Variants in CA10 observed in about 807,000 individuals in gnomAD.
CA10 encodes the protein carbonic anhydrase-related protein 10.
CA10 carries 14 observed loss-of-function variants against 44.2 expected under a neutral mutation model. That is an observed-to-expected ratio of 0.32 (90% CI 0.21 to 0.50). The LOEUF (loss-of-function observed/expected upper bound fraction) is 0.50, where lower values mean the gene tolerates loss of function less well. Among genes scored for constraint, CA10 ranks in the 20% least tolerant of loss-of-function variants. CA10 has a pLI of 0.99. For missense variants in CA10, 350 were observed against 409.7 expected (o/e 0.85, Z 1.26); for synonymous variants, 159 against 141.6 (o/e 1.12, Z -0.87).
chr17:51,765,749 A>AG (rs1567832415), intron 3 of CA10, among the ~76,000 whole-genome samples: 2 of 131,496 alleles, frequency 1.5e-5, no homozygotes, highest in African/African-American at 2.6e-5. Context: ...GCATGTGTTT[A>AG]GGGGGGGTTG....
chr17:52,159,101 G>C (rs1989887066), upstream of CA10, among the ~76,000 whole-genome samples: 1 of 152,168 alleles, frequency 6.6e-6, no homozygotes, highest in South Asian at 2.1e-4. Flanking sequence ...CTGCGGGTTC[G>C]GCGCGGGAGA....
intron 4 of CA10, among the ~76,000 whole-genome samples, chr17:51,721,159 G>A (rs1598008905): frequency 6.6e-6 from 1 of 151,748 alleles, no homozygotes; most frequent in Admixed American, 6.6e-5. Context: ...GCGAAACCCC[G>A]TCTCTACTAA....
intron 2 of CA10, among the ~76,000 whole-genome samples, chr17:51,961,188 AACACAC>A (rs71149387): frequency 0.015 from 2,132 of 145,036 alleles, 30 homozygotes; most frequent in African/African-American, 0.035. Flanking sequence ...TGTACACACA[AACACAC>A]ACACACACAC....
chr17:52,113,524 C>T lies in CA10; in HGVS notation c.62-41131G>A, dbSNP rs144475145. Among the ~76,000 whole-genome samples the T allele has an allele frequency of 1.4e-3, 209 of 152,126 alleles. 1 individual carries two copies. The highest frequency in any genetic ancestry group is 4.6e-3 in the African/African-American group (189 of 41,498). ...AATCTGCTTGAGAAAGCAAGACAAG[C>T]CCATGAAAAGTTAAATAGCAATTAA... On this transcript the variant is annotated intron_variant, in intron 1 of 8. Transcript: ENST00000451037.
chr17:51,784,768 T>C (rs1171592073), intron 3 of CA10, among the ~76,000 whole-genome samples: 8 of 152,248 alleles, frequency 5.3e-5, no homozygotes. Flanking sequence ...ACTTATCTTT[T>C]GTGTTACAAA....
chr17:51,997,857 T>C (rs532384799), intron 2 of CA10, among the ~76,000 whole-genome samples: 1 of 152,156 alleles, frequency 6.6e-6, no homozygotes, highest in South Asian at 2.1e-4. Context: ...CTGACACCAC[T>C]GAGTAAACAT....
intron 3 of CA10, among the ~76,000 whole-genome samples, chr17:51,893,594 CTGAG>C (rs1980951415): frequency 1.3e-5 from 2 of 152,284 alleles, no homozygotes; most frequent in South Asian, 2.1e-4. Flanking sequence ...TAGCCAACTA[CTGAG>C]TGAGATAAAC....
At chr17:51,729,339 T>TTG (rs914871049) in intron 4 of CA10, among the ~76,000 whole-genome samples, 5 of 152,086 alleles carry the variant, frequency 3.3e-5, no homozygotes, top group South Asian at 2.1e-4. Context: ...TTAAACTTTT[T>TTG]TGTGTGTGTG....
intron 4 of CA10, among the ~76,000 whole-genome samples, chr17:51,717,840 T>TACAC (rs1916209859): frequency 2.1e-4 from 6 of 28,366 alleles, no homozygotes; most frequent in African/African-American, 6.2e-4. Flanking sequence ...TATATATATA[T>TACAC]ATATATATAT....
Position 51,904,133 on chromosome 17 carries a change from A to G in CA10, c.279+26857T>C, listed in dbSNP as rs145938703. ...GGGCTTTCTAGGATGCAAGAATTTC[A>G]GTGTTAAAACTGAGAAAGCCCCAGG... On this transcript the variant is annotated intron_variant, in intron 3 of 8. Coordinates refer to ENST00000451037, the MANE Select transcript of CA10 (RefSeq NM_020178.5). 2.0e-3 allele frequency among the ~76,000 whole-genome samples: 309 copies of G among 151,854 alleles called. 2 individuals carry two copies. The highest frequency in any genetic ancestry group is 0.014 in the Middle Eastern group (4 of 294).
At chr17:52,153,430 C>A (rs1481285564) in intron 1 of CA10, among the ~76,000 whole-genome samples, 1 of 152,084 alleles carries the variant, frequency 6.6e-6, no homozygotes, top group Non-Finnish European at 1.5e-5. Context: ...TTGTAATATA[C>A]AACTGAAAGA....
intron 6 of CA10, among the ~76,000 whole-genome samples, chr17:51,646,861 T>G (rs1445509472): frequency 2.6e-5 from 4 of 152,260 alleles, no homozygotes; most frequent in African/African-American, 7.2e-5. Context: ...CCTGCAGTGC[T>G]GCTCCCTTCA....
At chr17:52,121,684 A>G (rs1284305705) in intron 1 of CA10, among the ~76,000 whole-genome samples, 1 of 148,694 alleles carries the variant, frequency 6.7e-6, no homozygotes, top group Non-Finnish European at 1.5e-5. Flanking sequence ...ACAGATACAC[A>G]CACACACACA....
At chr17:51,945,742 T>C (rs1983248654) in intron 2 of CA10, among the ~76,000 whole-genome samples, 1 of 152,150 alleles carries the variant, frequency 6.6e-6, no homozygotes, top group Admixed American at 6.6e-5. Flanking sequence ...TTAAGCCTCC[T>C]TCCCCTCGAC....
Position 52,025,691 on chromosome 17 carries a change from T to C in CA10, c.136+46628A>G, listed in dbSNP as rs1201715527. Among the ~76,000 whole-genome samples the C allele has an allele frequency of 2.6e-5, 4 of 152,136 alleles. No individual in the cohort carries two copies. In the East Asian group the frequency reaches 5.8e-4, roughly 22 times the overall value. On this transcript the variant is annotated intron_variant, in intron 2 of 8. Transcript: ENST00000451037. Reference sequence around the variant, plus strand: ...GCCATTTCTATTCATGAATGCCTTTTCTGTCTTCATTTAACTTAAGATATT... The same window carrying C: ...GCCATTTCTATTCATGAATGCCTTTCCTGTCTTCATTTAACTTAAGATATT...
chr17:51,802,565 G>GAAAAAAAAAA (rs754344655), intron 3 of CA10, among the ~76,000 whole-genome samples: 1 of 90,660 alleles, frequency 1.1e-5, no homozygotes. Flanking sequence ...CCTGATGTCT[G>GAAAAAAAAAA]AAAAAAAAAA....
chr17:52,093,959 G>T (rs1280046695), intron 1 of CA10, among the ~76,000 whole-genome samples: 3 of 152,254 alleles, frequency 2.0e-5, no homozygotes, highest in Non-Finnish European at 2.9e-5. Context: ...CAGCTCTAAA[G>T]ATTACATCCT....
chr17:51,779,599 CCAAA>C (rs1292835887), intron 3 of CA10, among the ~76,000 whole-genome samples: 2 of 152,158 alleles, frequency 1.3e-5, no homozygotes, highest in African/African-American at 2.4e-5. Flanking sequence ...GCCATTTCAA[CCAAA>C]CAGTGACCCC....
intron 2 of CA10, among the ~76,000 whole-genome samples, chr17:51,993,628 G>T (rs1464100759): frequency 6.6e-6 from 1 of 152,014 alleles, no homozygotes; most frequent in African/African-American, 2.4e-5. Flanking sequence ...TTCTGCTTAA[G>T]GTGATAGGAA....
Sources: allele counts gnomAD v4.1 joint callset (sites outside exome capture counted in the v4.1 genomes callset), GRCh38; gene constraint gnomAD v4.1.1; transcripts MANE v1.5; gene names NCBI Gene and HGNC (gene_info 2026-07-23, HGNC 2026-07-21).